The following EYS variants were observed in gnomAD, a reference collection of about 807,000 sequenced individuals.
EYS encodes protein eyes shut homolog.
In EYS, 250 loss-of-function variants were observed where a neutral mutation model predicts 282.1. The observed-to-expected ratio is 0.89, with a 90% CI of 0.80 to 0.98. The LOEUF is 0.98. Among genes scored for constraint, EYS ranks in the 50% least tolerant of loss-of-function variants. The probability of loss-of-function intolerance (pLI) is 0.00; values close to 1 mark genes in which losing one functional copy is unlikely to be tolerated. For missense variants in EYS, 4,016 were observed against 3,709.0 expected (o/e 1.08, Z -2.15); for synonymous variants, 1,355 against 1,282.9 (o/e 1.06, Z -1.20).
chr6:65,109,035 A>G (rs28882221), intron 12 of EYS, among the ~76,000 whole-genome samples: 34,383 of 151,494 alleles, frequency 0.23, 4,127 homozygotes, highest in South Asian at 0.27. Flanking sequence ...TAGCTCTAGA[A>G]CGTCTTTCTC....
chr6:64,733,913 C>G (rs1495538), intron 22 of EYS: 137,226 of 156,194 alleles, frequency 0.88, 60,389 homozygotes, highest in African/African-American at 0.93. Flanking sequence ...CTGTAGATGA[C>G]CAGTCCCATG....
intron 31 of EYS, among the ~76,000 whole-genome samples, chr6:64,126,761 C>T (rs978859425): frequency 6.6e-6 from 1 of 151,890 alleles, no homozygotes; most frequent in African/African-American, 2.4e-5. Flanking sequence ...ATCCCAGAAA[C>T]AACTGATGGT....
At chr6:64,141,885 C>T (rs1774349127) in intron 31 of EYS, among the ~76,000 whole-genome samples, 1 of 152,152 alleles carries the variant, frequency 6.6e-6, no homozygotes, top group Admixed American at 6.5e-5. Flanking sequence ...ACTCTCTCCC[C>T]CACCCAAATG....
chr6:65,403,691 G>A (rs1048839532), intron 6 of EYS, among the ~76,000 whole-genome samples: 3 of 151,714 alleles, frequency 2.0e-5, no homozygotes, highest in Non-Finnish European at 4.4e-5. Context: ...ATTAAATAAT[G>A]AGAATATTAA....
intron 19 of EYS, among the ~76,000 whole-genome samples, chr6:64,864,658 A>G (rs62417089): frequency 0.092 from 13,940 of 151,078 alleles, 842 homozygotes; most frequent in East Asian, 0.32. Context: ...TGCTGGGATT[A>G]CAAGCGTGAG....
chr6:65,451,049 C>T (rs1476189595), intron 5 of EYS, among the ~76,000 whole-genome samples: 1 of 152,016 alleles, frequency 6.6e-6, no homozygotes, highest in Non-Finnish European at 1.5e-5. Flanking sequence ...CTTTGGCATA[C>T]TTATAATTAT....
At chr6:65,243,428 ACTT>A (rs1431860045) in intron 12 of EYS, among the ~76,000 whole-genome samples, 1 of 152,120 alleles carries the variant, frequency 6.6e-6, no homozygotes, top group Non-Finnish European at 1.5e-5. Flanking sequence ...GGGTGAAGGA[ACTT>A]CTTTGCTTTG....
intron 2 of EYS, among the ~76,000 whole-genome samples, chr6:65,569,291 C>T (rs1263078687): frequency 1.3e-5 from 2 of 151,946 alleles, no homozygotes; most frequent in African/African-American, 4.8e-5. Flanking sequence ...ATAAAACGGC[C>T]CCACCCTTAT....
At chr6:64,384,033 T>C (rs6454819) in intron 29 of EYS, among the ~76,000 whole-genome samples, 110,002 of 152,054 alleles carry the variant, frequency 0.72, 39,926 homozygotes, top group African/African-American at 0.8. Flanking sequence ...TTCATTTGTT[T>C]TTCAGGAATC....
At chr6:64,163,221 A>G (rs1180958137) in intron 31 of EYS, among the ~76,000 whole-genome samples, 1 of 152,148 alleles carries the variant, frequency 6.6e-6, no homozygotes, top group African/African-American at 2.4e-5. Context: ...AACAAAAAAA[A>G]TTAAGAGCAA....
At chr6:64,490,866 T>TA (rs1322235722) in intron 26 of EYS, among the ~76,000 whole-genome samples, 1 of 150,976 alleles carries the variant, frequency 6.6e-6, no homozygotes. Flanking sequence ...TTACTATGCA[T>TA]AAAACCACAC....
intron 12 of EYS, among the ~76,000 whole-genome samples, chr6:65,081,373 G>A (rs1407520849): frequency 1.3e-5 from 2 of 151,924 alleles, no homozygotes; most frequent in African/African-American, 4.8e-5. Flanking sequence ...CCAAGCCTCT[G>A]TTTCCAAACT....
At chr6:64,157,937 C>G (rs1774984026) in intron 31 of EYS, among the ~76,000 whole-genome samples, 1 of 152,170 alleles carries the variant, frequency 6.6e-6, no homozygotes, top group Non-Finnish European at 1.5e-5. Flanking sequence ...GTCCTCCAGA[C>G]CCCAGAATAG....
intron 12 of EYS, among the ~76,000 whole-genome samples, chr6:65,271,650 T>C (rs1767908582): frequency 6.6e-6 from 1 of 152,036 alleles, no homozygotes; most frequent in Non-Finnish European, 1.5e-5. Flanking sequence ...TGGTATGATC[T>C]CGGCTCACTA....
At chr6:64,821,769 A>T (rs901169208) in intron 20 of EYS, 46 bp from the exon 21 acceptor site, 2 of 1,128,584 alleles carry the variant, frequency 1.8e-6, no homozygotes, top group African/African-American at 3.1e-5. Context: ...GTAGATGTTA[A>T]AGCATAACTT....
intron 12 of EYS, among the ~76,000 whole-genome samples, chr6:65,273,278 TG>T (rs1306867281): frequency 2.0e-5 from 3 of 152,162 alleles, no homozygotes; most frequent in Non-Finnish European, 2.9e-5. Flanking sequence ...TACAGATAAG[TG>T]GGGACTACTG....
At chr6:65,148,528 C>A (rs1764533943) in intron 12 of EYS, among the ~76,000 whole-genome samples, 1 of 152,136 alleles carries the variant, frequency 6.6e-6, no homozygotes, top group Admixed American at 6.6e-5. Context: ...CCCCTCCTGG[C>A]TGCTTTCATG....
intron 28 of EYS, among the ~76,000 whole-genome samples, chr6:64,418,620 T>C (rs973983196): frequency 3.3e-5 from 5 of 152,208 alleles, no homozygotes; most frequent in African/African-American, 4.8e-5. Flanking sequence ...TTGACTGAAA[T>C]TGATTTTCTG....
At chr6:64,546,181 C>T (rs369468246) in intron 26 of EYS, among the ~76,000 whole-genome samples, 30 of 151,394 alleles carry the variant, frequency 2.0e-4, no homozygotes, top group African/African-American at 4.4e-4. Context: ...GAGATATAGA[C>T]CAATGGAACA....
Sources: allele counts gnomAD v4.1 joint callset (sites outside exome capture counted in the v4.1 genomes callset), GRCh38; gene constraint gnomAD v4.1.1; transcripts MANE v1.5; gene names NCBI Gene and HGNC (gene_info 2026-07-23, HGNC 2026-07-21).